MTURN: variants seen among roughly 807,000 people sequenced by gnomAD.
MTURN encodes maturin.
In MTURN, 7 loss-of-function variants were observed where a neutral mutation model predicts 14.9. That is an observed-to-expected ratio of 0.47 (90% CI 0.27 to 0.88). MTURN has a LOEUF of 0.88. MTURN is among the 40% of genes least tolerant of loss of function. MTURN has a pLI of 0.14. For synonymous variants in MTURN, 69 were observed against 72.5 expected (o/e 0.95, Z 0.25); for missense variants, 151 against 174.1 (o/e 0.87, Z 0.75).
intron 1 of MTURN, among the ~76,000 whole-genome samples, chr7:30,142,890 C>T (rs1797073133): frequency 6.6e-6 from 1 of 152,234 alleles, no homozygotes; most frequent in Non-Finnish European, 1.5e-5. Context: ...TAGAGGTTCT[C>T]TGATTCCTGC....
intron 2 of MTURN, among the ~76,000 whole-genome samples, chr7:30,150,107 G>C (rs1797186267): frequency 6.6e-6 from 1 of 152,224 alleles, no homozygotes; most frequent in African/African-American, 2.4e-5. Context: ...CAGTTCATTT[G>C]TAAAATTAGA....
intron 2 of MTURN, among the ~76,000 whole-genome samples, chr7:30,154,666 C>T (rs891978933): frequency 6.6e-6 from 1 of 152,190 alleles, no homozygotes; most frequent in African/African-American, 2.4e-5. Flanking sequence ...GAGCTCTGGC[C>T]TCTGGACTCT....
chr7:30,141,516 C>T (rs1007439509), intron 1 of MTURN: 1 of 151,466 alleles, frequency 6.6e-6, no homozygotes, highest in Admixed American at 6.6e-5. Context: ...GGACAAGAAT[C>T]AGGGTTTTGT....
intron 2 of MTURN, among the ~76,000 whole-genome samples, chr7:30,151,542 C>G (rs1261849220): frequency 6.6e-6 from 1 of 152,206 alleles, no homozygotes; most frequent in Non-Finnish European, 1.5e-5. Context: ...AAGAAATAGC[C>G]TACTATTTCC....
intron 2 of MTURN, among the ~76,000 whole-genome samples, chr7:30,152,421 C>A (rs906833133): frequency 1.4e-4 from 22 of 152,200 alleles, no homozygotes; most frequent in South Asian, 4.1e-4. Flanking sequence ...GGCTCTTGGA[C>A]TAACAGTATT....
intron 1 of MTURN, among the ~76,000 whole-genome samples, chr7:30,142,778 G>A (rs574204295): frequency 6.6e-6 from 1 of 152,270 alleles, no homozygotes; most frequent in African/African-American, 2.4e-5. Flanking sequence ...TTAGTCCAAG[G>A]GAGTCCTGCA....
intron 1 of MTURN, among the ~76,000 whole-genome samples, chr7:30,140,462 TC>T (rs1219072904): frequency 8.7e-6 from 1 of 114,382 alleles, no homozygotes; most frequent in African/African-American, 3.0e-5. Context: ...AACTATGTGA[TC>T]AAATAACAGC....
intron 1 of MTURN, among the ~76,000 whole-genome samples, chr7:30,140,692 A>C (rs1797037786): frequency 6.6e-6 from 1 of 152,152 alleles, no homozygotes; most frequent in Non-Finnish European, 1.5e-5. Flanking sequence ...AGGCCATTCC[A>C]CATTGGCTGT....
Position 30,162,494 on chromosome 7 carries a change from GTT to G in MTURN, c.*4960_*4961del, listed in dbSNP as rs10567268. ...GTTGGGTTTTTGTTTTTTGGTTGTTGTTTTTTTTTTTTTTTAGGCAAGAAGTG... is the reference window on the plus strand; with the variant it reads ...GTTGGGTTTTTGTTTTTTGGTTGTTGTTTTTTTTTTTTTAGGCAAGAAGTG... On this transcript the variant is annotated 3_prime_UTR_variant, in exon 3 of 3. Coordinates refer to ENST00000324453, the MANE Select transcript of MTURN (RefSeq NM_152793.3). 26,778 of 139,554 alleles carry G rather than the reference GTT, an allele frequency of 0.19. 3,176 individuals are homozygous for G. The highest frequency in any genetic ancestry group is 0.35 in the African/African-American group (13,657 of 38,748). 8.6% of individuals were successfully genotyped at this position (139,554 alleles called of 1,614,324 possible).
At chr7:30,142,671 A>G (rs751247459) in intron 1 of MTURN, among the ~76,000 whole-genome samples, 2 of 152,188 alleles carry the variant, frequency 1.3e-5, no homozygotes, top group African/African-American at 2.4e-5. Context: ...TAACTTTGCA[A>G]TTTAAACTCT....
chr7:30,136,476 A>G (rs562276999), intron 1 of MTURN, among the ~76,000 whole-genome samples: 1 of 152,168 alleles, frequency 6.6e-6, no homozygotes, highest in African/African-American at 2.4e-5. Flanking sequence ...GGCCTGGTGC[A>G]CGCTCCTCAG....
chr7:30,138,665 C>T (rs1026387969), intron 1 of MTURN, among the ~76,000 whole-genome samples: 4 of 151,952 alleles, frequency 2.6e-5, no homozygotes, highest in South Asian at 2.1e-4. Context: ...CCACTGTCTA[C>T]CCAGCAGTCA....
chr7:30,150,414 T>C (rs1442245872), intron 2 of MTURN, among the ~76,000 whole-genome samples: 3 of 152,174 alleles, frequency 2.0e-5, no homozygotes, highest in African/African-American at 7.2e-5. Flanking sequence ...AAGCATTCAC[T>C]GAGTACCTGA....
At chr7:30,154,355 C>T (rs1402055941) in intron 2 of MTURN, among the ~76,000 whole-genome samples, 2 of 152,200 alleles carry the variant, frequency 1.3e-5, no homozygotes, top group African/African-American at 4.8e-5. Context: ...TTTTAATCCC[C>T]TATAACGACC....
In MTURN at chr7:30,158,339, C is replaced by T. The variant is rs1290970888; in HGVS notation, c.*791C>T. 1 of 152,552 alleles carries T rather than the reference C, an allele frequency of 6.6e-6. No homozygotes were observed. The highest frequency in any genetic ancestry group is 1.5e-5 in the Non-Finnish European group (1 of 68,020). 9.4% of individuals were successfully genotyped at this position (152,552 alleles called of 1,614,324 possible). A position where few individuals can be genotyped will look rare whatever the true frequency, so the allele number is the denominator to read the frequency against. On this transcript the variant is annotated 3_prime_UTR_variant, in exon 3 of 3. Coordinates refer to ENST00000324453, the MANE Select transcript of MTURN (RefSeq NM_152793.3). Reference sequence around the variant, plus strand: ...CCCACGTATAAAATGAAACATTTTACCTTCTCTCTTTCTAATGAGATGGCC... The same window carrying T: ...CCCACGTATAAAATGAAACATTTTATCTTCTCTCTTTCTAATGAGATGGCC...
At chr7:30,154,608 A>G (rs1005657594) in intron 2 of MTURN, among the ~76,000 whole-genome samples, 7 of 152,216 alleles carry the variant, frequency 4.6e-5, no homozygotes, top group African/African-American at 1.7e-4. Flanking sequence ...AGAGAAGGAC[A>G]TTGAGGGTCA....
chr7:30,153,676 C>G (rs186176634), intron 2 of MTURN, among the ~76,000 whole-genome samples: 2 of 152,258 alleles, frequency 1.3e-5, no homozygotes, highest in Admixed American at 6.5e-5. Context: ...TGTAATTCTG[C>G]TTAAGACAGT....
chr7:30,140,769 G>T (rs141049677), intron 1 of MTURN: 2,144 of 152,264 alleles, frequency 0.014, 20 homozygotes, highest in Non-Finnish European at 0.021. Flanking sequence ...TTGAGTGGTA[G>T]TCATGAGGAG....
At chr7:30,154,078 A>C (rs1285887621) in intron 2 of MTURN, among the ~76,000 whole-genome samples, 1 of 152,188 alleles carries the variant, frequency 6.6e-6, no homozygotes, top group Non-Finnish European at 1.5e-5. Flanking sequence ...GAAGAGACCC[A>C]GAGCCAGCAA....
Sources: gnomAD v4.1 joint callset for allele counts (sites outside exome capture counted in the v4.1 genomes callset) on GRCh38, gnomAD v4.1.1 for gene constraint, MANE v1.5 for transcripts, NCBI Gene and HGNC (gene_info 2026-07-23, HGNC 2026-07-21) for gene names.